FRMPD4: variants seen among roughly 807,000 people sequenced by gnomAD.
The protein encoded by FRMPD4 is FERM and PDZ domain-containing protein 4.
Under a neutral mutation model 94.1 loss-of-function variants are expected in FRMPD4, and 22 were observed. The observed-to-expected ratio is 0.23, with a 90% CI of 0.17 to 0.33. The LOEUF is 0.33. FRMPD4 is among the 10% of genes least tolerant of loss of function. FRMPD4 has a pLI of 1.00. For missense variants in FRMPD4, 1,111 were observed against 1,339.9 expected (o/e 0.83, Z 2.67); for synonymous variants, 631 against 548.6 (o/e 1.15, Z -2.10).
At position 12,717,719 on chromosome X, in the gene FRMPD4, C is replaced by T; in HGVS notation, c.2893C>T (p.Pro965Ser). Residue 965 changes from proline to serine, a missense_variant, in exon 16 of 17, where the codon CCA becomes TCA. Coordinates refer to ENST00000675598, the MANE Select transcript of FRMPD4 (RefSeq NM_001368397.1). ...CAAGACCCCCGCTGGGGGCTTGCCT[C>T]CAAAGTCCTCGCACGCCCTGGCTGC... ...ASKTPAGGLPPKSSHALAARP... is the reference protein window; with the variant it reads ...ASKTPAGGLPSKSSHALAARP... 2 of 1,211,634 alleles carry T rather than the reference C, an allele frequency of 1.7e-6. No individual in the cohort carries two copies. The highest frequency in any genetic ancestry group is 2.2e-6 in the Non-Finnish European group (2 of 895,092).
chrX:12,689,445 C>T (rs73432855), intron 7 of FRMPD4, among the ~76,000 whole-genome samples: 1 of 112,127 alleles, frequency 8.9e-6, no homozygotes, highest in Non-Finnish European at 1.9e-5. Flanking sequence ...CTGAGATAAG[C>T]ATTATTATTA....
At chrX:12,476,293 C>T (rs1426612447) in intron 1 of FRMPD4, among the ~76,000 whole-genome samples, 7 of 111,663 alleles carry the variant, frequency 6.3e-5, no homozygotes, top group African/African-American at 1.9e-4. Flanking sequence ...CCCTTCCTTA[C>T]ACCTTATACA....
intron 7 of FRMPD4, among the ~76,000 whole-genome samples, chrX:12,687,465 G>T (rs773568148): frequency 9.0e-6 from 1 of 111,606 alleles, no homozygotes; most frequent in Non-Finnish European, 1.9e-5. Flanking sequence ...TTTAGGCTTT[G>T]TGGGCCATTT....
At chrX:12,144,546 T>C (rs1319953149) in intron 1 of FRMPD4, among the ~76,000 whole-genome samples, 2 of 110,160 alleles carry the variant, frequency 1.8e-5, no homozygotes, top group African/African-American at 6.6e-5. Flanking sequence ...ATAAGATAAA[T>C]AGTCTATACT....
rs756938722 is a variant in FRMPD4, at chrX:12,472,024, G to C, written c.42-26656G>C. 1.3e-3 allele frequency among the ~76,000 whole-genome samples: 152 copies of C among 112,717 alleles called. 1 individual carries two copies. Among genetic ancestry groups the C allele is most frequent in the African/African-American group, 4.7e-3 (147 of 31,119 alleles). On this transcript the variant is annotated intron_variant, in intron 1 of 16. Coordinates refer to ENST00000675598, the MANE Select transcript of FRMPD4 (RefSeq NM_001368397.1). ...CAGAATTGCACTGTCACTTAAAACT[G>C]TGCTGGGCACAATTTGTGCCCACAA...
At chrX:12,413,184 T>G (rs146479477) in intron 1 of FRMPD4, among the ~76,000 whole-genome samples, 2,691 of 111,744 alleles carry the variant, frequency 0.024, 77 homozygotes, top group African/African-American at 0.082. Context: ...TAAAAATGAT[T>G]GACATGAGTC....
At chrX:11,876,410 G>GAT (rs1319191777) in intron 2 of FRMPD4, among the ~76,000 whole-genome samples, 1 of 108,306 alleles carries the variant, frequency 9.2e-6, no homozygotes, top group Admixed American at 9.9e-5. Context: ...ACCTGTGGTT[G>GAT]ATAACAGTTA....
At chrX:12,482,755 G>C (rs2057701279) in intron 1 of FRMPD4, among the ~76,000 whole-genome samples, 1 of 112,178 alleles carries the variant, frequency 8.9e-6, no homozygotes, top group African/African-American at 3.2e-5. Flanking sequence ...ATTTCAATAT[G>C]TAATCAATTT....
At chrX:12,629,415 G>C (rs2059376074) in intron 4 of FRMPD4, among the ~76,000 whole-genome samples, 1 of 111,932 alleles carries the variant, frequency 8.9e-6, no homozygotes, top group Admixed American at 9.5e-5. Context: ...TAGGGGGGTA[G>C]AAGTCAGAAA....
chrX:11,854,040 G>A (rs748264757), intron 1 of FRMPD4, among the ~76,000 whole-genome samples: 55 of 111,957 alleles, frequency 4.9e-4, no homozygotes, highest in Middle Eastern at 4.6e-3. Flanking sequence ...AGATTTAATC[G>A]ACTCACAGTT....
intron 4 of FRMPD4, among the ~76,000 whole-genome samples, chrX:12,650,009 C>T: frequency 8.9e-6 from 1 of 112,822 alleles, no homozygotes; most frequent in East Asian, 2.8e-4. Flanking sequence ...TTGCCATGGA[C>T]ACCAGTAGGC....
At chrX:12,082,717 A>G (rs1356279663) in intron 3 of FRMPD4, among the ~76,000 whole-genome samples, 1 of 111,621 alleles carries the variant, frequency 9.0e-6, no homozygotes, top group Non-Finnish European at 1.9e-5. Flanking sequence ...ATGAACAATA[A>G]GGTCCAGGAT....
chrX:12,236,901 A>T (rs751341345), intron 1 of FRMPD4, among the ~76,000 whole-genome samples: 2 of 111,723 alleles, frequency 1.8e-5, no homozygotes, highest in South Asian at 3.8e-4. Flanking sequence ...AGTTCTGGAG[A>T]TACTTTTGGA....
chrX:12,087,486 G>T (rs1041985621), intron 3 of FRMPD4, among the ~76,000 whole-genome samples: 1 of 111,608 alleles, frequency 9.0e-6, no homozygotes, highest in African/African-American at 3.3e-5. Context: ...AGCCTCCCAG[G>T]TAGACAGGTC....
chrX:11,917,961 A>G (rs6640809), intron 3 of FRMPD4, among the ~76,000 whole-genome samples: 5,886 of 111,218 alleles, frequency 0.053, 170 homozygotes, highest in East Asian at 0.15. Context: ...TAGATATGTG[A>G]CTGCCCTATT....
chrX:12,660,904 T>A (rs1294841533), intron 4 of FRMPD4, among the ~76,000 whole-genome samples: 3 of 111,798 alleles, frequency 2.7e-5, no homozygotes. Context: ...CTTGGACAGC[T>A]GCCATAGTGA....
intron 1 of FRMPD4, among the ~76,000 whole-genome samples, chrX:11,823,033 G>T (rs1460545707): frequency 9.0e-6 from 1 of 111,026 alleles, no homozygotes; most frequent in East Asian, 2.8e-4. Flanking sequence ...TCACTCAGGA[G>T]ACAATTTCCA....
At chrX:12,141,508 G>A (rs188434056) in intron 1 of FRMPD4, among the ~76,000 whole-genome samples, 1 of 111,214 alleles carries the variant, frequency 9.0e-6, no homozygotes, top group East Asian at 2.8e-4. Flanking sequence ...TTAACTATTC[G>A]TTTCCAGAAT....
chrX:11,977,469 A>G (rs757958480), intron 3 of FRMPD4, among the ~76,000 whole-genome samples: 9 of 112,555 alleles, frequency 8.0e-5, no homozygotes, highest in Non-Finnish European at 1.3e-4. Flanking sequence ...TTAAATGGGA[A>G]TATGAGAAGA....
Sources: gnomAD v4.1 joint callset for allele counts (sites outside exome capture counted in the v4.1 genomes callset) on GRCh38, gnomAD v4.1.1 for gene constraint, MANE v1.5 for transcripts, NCBI Gene and HGNC (gene_info 2026-07-23, HGNC 2026-07-21) for gene names.